Variants in DIP2A observed in about 807,000 individuals in gnomAD.
DIP2A encodes the protein DIP2 acetate--CoA ligase A.
In DIP2A, 85 loss-of-function variants were observed where a neutral mutation model predicts 177.4. The ratio of observed to expected loss-of-function variants is 0.48; its 90% CI spans 0.40 to 0.57. The LOEUF (loss-of-function observed/expected upper bound fraction) is 0.57, where lower values mean the gene tolerates loss of function less well. Ranked by LOEUF, DIP2A falls within the 20% of genes least tolerant of loss-of-function variation. DIP2A has a pLI of 0.00. For synonymous variants in DIP2A, 886 were observed against 881.8 expected, an observed-to-expected ratio of 1.00 and a Z score of -0.08; for missense variants, 1,791 against 2,100.2, an observed-to-expected ratio of 0.85 and a Z score of 2.88.
chr21:46,551,911 CA>C lies in DIP2A; in HGVS notation c.3030+8del, dbSNP rs1349167892. ...CTTGCTGCTGAACGCCAAGGTGAGG[CA>C]GTGTCACGCCCACGGGGCTTGGAAA... On this transcript the variant is annotated splice_region_variant and intron_variant, in intron 25 of 37. Transcript: ENST00000417564. The C allele has an allele frequency of 1.5e-5, 24 of 1,595,540 alleles. No homozygotes were observed. Among genetic ancestry groups the C allele is most frequent in the Non-Finnish European group, 2.0e-5 (23 of 1,172,486 alleles).
chr21:46,467,192 A>G (rs2054908819), intron 1 of DIP2A, among the ~76,000 whole-genome samples: 2 of 149,942 alleles, frequency 1.3e-5, no homozygotes. Flanking sequence ...GCTGCTCGGG[A>G]GGCTGAGGCA....
chr21:46,473,804 C>T (rs893757518), intron 1 of DIP2A, among the ~76,000 whole-genome samples: 2 of 152,200 alleles, frequency 1.3e-5, no homozygotes, highest in Admixed American at 6.5e-5. Flanking sequence ...GCGTGAACCA[C>T]TGCGCCTGGC....
At chr21:46,510,951 T>C (rs759561648) in intron 7 of DIP2A, among the ~76,000 whole-genome samples, 15 of 150,764 alleles carry the variant, frequency 9.9e-5, no homozygotes, top group Non-Finnish European at 2.1e-4. Context: ...AATAATCTTT[T>C]AATTCTTTTT....
At chr21:46,505,221 A>T (rs2057908947) in intron 6 of DIP2A, among the ~76,000 whole-genome samples, 1 of 152,204 alleles carries the variant, frequency 6.6e-6, no homozygotes, top group African/African-American at 2.4e-5. Flanking sequence ...CATTGGCTAG[A>T]CATGTATTTA....
At chr21:46,475,092 C>G (rs1017642065) in intron 1 of DIP2A, among the ~76,000 whole-genome samples, 1 of 151,980 alleles carries the variant, frequency 6.6e-6, no homozygotes, top group African/African-American at 2.4e-5. Context: ...ACTTAACACT[C>G]TTCCTAACTG....
At chr21:46,488,845 T>C (rs1433785192) in intron 2 of DIP2A, among the ~76,000 whole-genome samples, 1 of 152,242 alleles carries the variant, frequency 6.6e-6, no homozygotes, top group Non-Finnish European at 1.5e-5. Context: ...TGTATCTATC[T>C]TTGTTGAATA....
Position 46,468,489 on chromosome 21 carries a change from TAGTC to T in DIP2A, c.91+9270_91+9273del, listed in dbSNP as rs1267638586. ...GCCCACTTGTGTCAGAAATTTAAAA[TAGTC>T]AGACTCATAGAAGCAGAGAGTAGAA... On this transcript the variant is annotated intron_variant, in intron 1 of 37. Coordinates refer to ENST00000417564, the MANE Select transcript of DIP2A (RefSeq NM_015151.4). Among the ~76,000 whole-genome samples, 47 of 151,266 alleles carry T rather than the reference TAGTC, an allele frequency of 3.1e-4. 1 individual carries two copies. The highest frequency in any genetic ancestry group is 9.0e-4 in the African/African-American group (37 of 41,186).
chr21:46,581,773 C>T, the DIP2A span, among the ~76,000 whole-genome samples: 36 of 152,132 alleles, frequency 2.4e-4, no homozygotes, highest in Non-Finnish European at 4.6e-4. Context: ...GAAGTGTCAC[C>T]AGTGGAGGCT....
chr21:46,476,256 A>AG (rs1049031436), intron 1 of DIP2A, among the ~76,000 whole-genome samples: 5 of 148,366 alleles, frequency 3.4e-5, no homozygotes, highest in Admixed American at 2.0e-4. Context: ...AAAAAAAAAA[A>AG]TTATGATGAT....
intron 6 of DIP2A, among the ~76,000 whole-genome samples, chr21:46,508,725 T>C (rs2058149252): frequency 1.3e-5 from 2 of 151,868 alleles, no homozygotes. Flanking sequence ...CCCTGGACCA[T>C]TTAAAAAACT....
chr21:46,519,321 G>A (rs4328719), intron 8 of DIP2A, among the ~76,000 whole-genome samples: 3 of 152,176 alleles, frequency 2.0e-5, no homozygotes, highest in Admixed American at 2.0e-4. Flanking sequence ...CTGTGACTTA[G>A]AATGCCTAAC....
rs1601836087 is a variant in DIP2A, at chr21:46,556,917, TGAA to T, written c.3499-21_3499-19del. 2.0e-6 allele frequency: 3 copies of T among 1,518,654 alleles called. No individual in the cohort carries two copies. In the Admixed American group the frequency reaches 6.3e-5, roughly 32 times the overall value. 94.1% of individuals were successfully genotyped at this position (1,518,654 alleles called of 1,614,324 possible). ...TGAATTTCATTTCACTTTTTTTTTTTGAACTTTATTTTACTCTTAAGATGTCGC... is the reference window on the plus strand; with the variant it reads ...TGAATTTCATTTCACTTTTTTTTTTTCTTTATTTTACTCTTAAGATGTCGC... On this transcript the variant is annotated intron_variant, in intron 29 of 37. Coordinates refer to ENST00000417564, the MANE Select transcript of DIP2A (RefSeq NM_015151.4). This position sits in a 1 kb window ranked among gnomAD's most constrained non-coding sequence, Gnocchi z 4.5.
At position 46,563,417 on chromosome 21, in the gene DIP2A, T is replaced by C. The variant is rs1383039700; in HGVS notation, c.4090-441T>C. Among the ~76,000 whole-genome samples the C allele has an allele frequency of 6.6e-6, 1 of 152,150 alleles. No homozygotes were observed. The highest frequency in any genetic ancestry group is 1.5e-5 in the Non-Finnish European group (1 of 68,002). ...TCCTGAATTGGCACAGAGCCAGTGC[T>C]CAGTGGTTGGACTGACTCGGAGTCA... On this transcript the variant is annotated intron_variant, in intron 34 of 37. Transcript: ENST00000417564. The surrounding 1 kb of genome is among the most constrained non-coding windows in gnomAD (Gnocchi z 4.3).
chr21:46,499,686 A>G (rs1414463330), intron 5 of DIP2A, among the ~76,000 whole-genome samples: 1 of 152,240 alleles, frequency 6.6e-6, no homozygotes, highest in Non-Finnish European at 1.5e-5. Flanking sequence ...TTTTTTAACT[A>G]AAACAGCAGC....
chr21:46,480,345 C>G (rs943347128), intron 1 of DIP2A, among the ~76,000 whole-genome samples: 3 of 152,160 alleles, frequency 2.0e-5, no homozygotes, highest in Admixed American at 2.0e-4. Context: ...ATCCGGAGAA[C>G]AGCATGGGGA....
At chr21:46,527,013 T>TAATGTG (rs542255465) in intron 8 of DIP2A, among the ~76,000 whole-genome samples, 2,887 of 152,314 alleles carry the variant, frequency 0.019, 84 homozygotes, top group African/African-American at 0.065. Flanking sequence ...GTATGTTTCC[T>TAATGTG]TTTATTCTGA....
chr21:46,491,121 A>G (rs1007311281), intron 3 of DIP2A, among the ~76,000 whole-genome samples: 1 of 151,838 alleles, frequency 6.6e-6, no homozygotes, highest in Non-Finnish European at 1.5e-5. Context: ...AATTTTGGAG[A>G]TTTCCTTCCA....
rs1431468099 is a variant in DIP2A at position 46,546,924 on chromosome 21, G to A, written c.2404G>A (p.Val802Ile). 6.2e-7 allele frequency: 1 copy of A among 1,613,852 alleles called. No individual in the cohort carries two copies. The change falls in exon 21 of 38, where the codon GTC (valine) becomes ATC (isoleucine). Residue 802 changes from valine to isoleucine, a missense_variant. By Grantham distance (29) the Val-to-Ile change is conservative (BLOSUM62 3). Coordinates refer to ENST00000417564, the MANE Select transcript of DIP2A (RefSeq NM_015151.4). ...ACACCCTTTCCCTCAGGACAACCTG[G>A]TCTTCATCGTGGGCAAACTGGACGG... is the stretch of plus-strand genomic sequence containing the variant. The part of the protein sequence containing the change: ...LLGFIGPDNL[V>I]FIVGKLDGLM...
intron 17 of DIP2A, among the ~76,000 whole-genome samples, chr21:46,541,188 G>T (rs1404158683): frequency 6.6e-6 from 1 of 152,112 alleles, no homozygotes; most frequent in Non-Finnish European, 1.5e-5. Flanking sequence ...CAGTATTCCA[G>T]TTACTATTGT....
Sources: allele counts gnomAD v4.1 joint callset (sites outside exome capture counted in the v4.1 genomes callset), GRCh38; gene constraint gnomAD v4.1.1; non-coding constraint Gnocchi (gnomAD v3.1); transcripts MANE v1.5; gene names NCBI Gene and HGNC (gene_info 2026-07-23, HGNC 2026-07-21).